Variants in RSBN1L observed in about 807,000 individuals in gnomAD.
RSBN1L encodes round spermatid basic protein 1 like.
RSBN1L carries 30 observed loss-of-function variants against 67.7 expected under a neutral mutation model. The observed-to-expected ratio is 0.44, with a 90% confidence interval of 0.33 to 0.60. The LOEUF (loss-of-function observed/expected upper bound fraction) is 0.60. Ranked by LOEUF, RSBN1L falls within the 20% of genes least tolerant of loss-of-function variation. RSBN1L has a pLI of 0.02. For missense variants in RSBN1L, 992 were observed against 1,031.7 expected (o/e 0.96, Z 0.53); for synonymous variants, 433 against 387.0 (o/e 1.12, Z -1.39).
chr7:77,742,212 C>CACACACACACAA, intron 2 of RSBN1L, among the ~76,000 whole-genome samples: 1 of 147,322 alleles, frequency 6.8e-6, no homozygotes, highest in African/African-American at 2.5e-5. Context: ...CACACACACA[C>CACACACACACAA]ACACACGGCA....
intron 3 of RSBN1L, among the ~76,000 whole-genome samples, chr7:77,754,782 C>T (rs1325195812): frequency 1.3e-5 from 2 of 152,080 alleles, no homozygotes; most frequent in Non-Finnish European, 2.9e-5. Flanking sequence ...CCAGCCTGAG[C>T]AACATAGCAA....
At chr7:77,759,444 A>G (rs1791669276) in intron 3 of RSBN1L, among the ~76,000 whole-genome samples, 1 of 152,040 alleles carries the variant, frequency 6.6e-6, no homozygotes, top group African/African-American at 2.4e-5. Flanking sequence ...GCCTATTTTG[A>G]TTAGAAACCA....
intron 6 of RSBN1L, among the ~76,000 whole-genome samples, chr7:77,774,920 G>A (rs1464569874): frequency 6.6e-6 from 1 of 151,682 alleles, no homozygotes; most frequent in Non-Finnish European, 1.5e-5. Context: ...ATAGTTCAGT[G>A]GTGCTGTCAT....
chr7:77,750,603 T>G (rs541161432), intron 3 of RSBN1L, among the ~76,000 whole-genome samples: 1 of 152,270 alleles, frequency 6.6e-6, no homozygotes, highest in Non-Finnish European at 1.5e-5. Flanking sequence ...TGGTGGAGAA[T>G]ATATATTATT....
chr7:77,743,211 ACT>A (rs936527423), intron 2 of RSBN1L, among the ~76,000 whole-genome samples: 7 of 151,928 alleles, frequency 4.6e-5, no homozygotes, highest in African/African-American at 1.7e-4. Flanking sequence ...TTGCCACCAC[ACT>A]CAGCTAATTT....
Position 77,736,418 on chromosome 7 carries a change from A to G in RSBN1L, c.595A>G (p.Lys199Glu), listed in dbSNP as rs369084586. The change falls in exon 2 of 8, where the codon AAA (lysine) becomes GAA (glutamate). Residue 199 changes from lysine to glutamate, a missense_variant. Around this residue, in one of 7 missense-constraint regions of RSBN1L, gnomAD observed 575 missense variants for 483.2 expected, o/e 1.19. Transcript: ENST00000334955. Reference sequence around the variant, plus strand: ...TTTGTTTTGTCTTCCAGATAAAATCAAAGACAAAATTAAAGAGAGAGACAA... The same window carrying G: ...TTTGTTTTGTCTTCCAGATAAAATCGAAGACAAAATTAAAGAGAGAGACAA... Reference protein sequence around the residue: ...EVKPLPRDKIKDKIKERDKEK... With the variant: ...EVKPLPRDKIEDKIKERDKEK... The G allele has an allele frequency of 9.4e-7, 1 of 1,068,022 alleles. No individual in the cohort carries two copies. The highest frequency in any genetic ancestry group is 3.0e-5 in the East Asian group (1 of 33,690). The allele number at this position is 1,068,022 out of a possible 1,614,324, so 66.2% of individuals were successfully genotyped here.
intron 3 of RSBN1L, among the ~76,000 whole-genome samples, chr7:77,763,153 T>TTC (rs1554342230): frequency 3.5e-5 from 3 of 86,358 alleles, no homozygotes; most frequent in African/African-American, 1.1e-4. Context: ...ATTTGACTTT[T>TTC]TTTTTTTTTT....
intron 1 of RSBN1L, 28 bp downstream of exon 1, chr7:77,697,083 G>A (rs1790746001): frequency 1.5e-6 from 2 of 1,362,706 alleles, no homozygotes; most frequent in South Asian, 1.7e-5. Context: ...AGGGGGAGGG[G>A]AGGGCGCCGT....
intron 3 of RSBN1L, among the ~76,000 whole-genome samples, chr7:77,758,891 C>T (rs1791659774): frequency 6.6e-6 from 1 of 152,056 alleles, no homozygotes; most frequent in Admixed American, 6.6e-5. Context: ...ACTCTGGAAC[C>T]CTGTACTAAG....
chr7:77,772,667 C>T (rs960449756), intron 5 of RSBN1L, among the ~76,000 whole-genome samples: 2 of 152,230 alleles, frequency 1.3e-5, no homozygotes, highest in African/African-American at 4.8e-5. Flanking sequence ...AGACTATAAA[C>T]TCCCACGAGA....
At chr7:77,737,765 G>A (rs1791356262) in intron 2 of RSBN1L, among the ~76,000 whole-genome samples, 1 of 152,176 alleles carries the variant, frequency 6.6e-6, no homozygotes, top group Non-Finnish European at 1.5e-5. Flanking sequence ...GCTCATGCCT[G>A]TAATCCCAGC....
chr7:77,732,597 G>A (rs1449362575), intron 1 of RSBN1L, among the ~76,000 whole-genome samples: 1 of 152,132 alleles, frequency 6.6e-6, no homozygotes, highest in Non-Finnish European at 1.5e-5. Context: ...CCCTCCCAAA[G>A]TGCTGGGATT....
intron 1 of RSBN1L, 90 bp downstream of exon 1, chr7:77,697,145 C>T: frequency 2.4e-6 from 3 of 1,269,036 alleles, no homozygotes; most frequent in Non-Finnish European, 3.0e-6. Flanking sequence ...GGGAGCGCGG[C>T]GGCCGCGTGC....
chr7:77,725,670 C>A (rs1791192597), intron 1 of RSBN1L, among the ~76,000 whole-genome samples: 1 of 151,604 alleles, frequency 6.6e-6, no homozygotes, highest in Non-Finnish European at 1.5e-5. Flanking sequence ...GAGTTTCGCC[C>A]TTGTTGCTCA....
In RSBN1L at chr7:77,696,486, G is replaced by A. The variant is rs768269019; in HGVS notation, c.17G>A (p.Ser6Asn). 6.8e-6 allele frequency: 11 copies of A among 1,610,830 alleles called. No individual in the cohort carries two copies. Among genetic ancestry groups the A allele is most frequent in the Non-Finnish European group, 9.3e-6 (11 of 1,178,202 alleles). Reference protein sequence around the residue: MAEPPSPVHCVAAAAP... With the variant: MAEPPNPVHCVAAAAP... ...GAGCGCAAAATGGCGGAACCGCCGAGCCCCGTGCACTGTGTCGCTGCCGCG... is the reference window on the plus strand; with the variant it reads ...GAGCGCAAAATGGCGGAACCGCCGAACCCCGTGCACTGTGTCGCTGCCGCG... The change falls in exon 1 of 8, where the codon AGC (serine) becomes AAC (asparagine). Residue 6 changes from serine to asparagine, a missense_variant. This residue lies in a region of RSBN1L where 575 missense variants were observed against 483.2 expected (regional missense o/e 1.19). Coordinates refer to ENST00000334955, the MANE Select transcript of RSBN1L (RefSeq NM_198467.3).
At chr7:77,718,667 A>C (rs893640093) in intron 1 of RSBN1L, among the ~76,000 whole-genome samples, 5 of 152,216 alleles carry the variant, frequency 3.3e-5, no homozygotes, top group Admixed American at 6.5e-5. Flanking sequence ...ATACTTAAAC[A>C]AAACAACTTT....
intron 1 of RSBN1L, among the ~76,000 whole-genome samples, chr7:77,725,243 A>AATTTTTTTTTTTTTTTTT (rs1554338354): frequency 1.2e-4 from 7 of 57,916 alleles, no homozygotes; most frequent in African/African-American, 5.3e-4. Context: ...TAAGCCCCCC[A>AATTTTTTTTTTTTTTTTT]CTTTTTTTTT....
intron 6 of RSBN1L, among the ~76,000 whole-genome samples, chr7:77,774,505 G>T (rs1399338201): frequency 6.6e-6 from 1 of 152,152 alleles, no homozygotes; most frequent in Non-Finnish European, 1.5e-5. Context: ...GAGGTGGGCA[G>T]ATCATGAGGT....
At chr7:77,737,375 G>T (rs1791351242) in intron 2 of RSBN1L, among the ~76,000 whole-genome samples, 1 of 152,140 alleles carries the variant, frequency 6.6e-6, no homozygotes, top group South Asian at 2.1e-4. Flanking sequence ...ATTTGCTTGA[G>T]GGGGAAAGAC....
Sources: gnomAD v4.1 joint callset for allele counts (sites outside exome capture counted in the v4.1 genomes callset) on GRCh38, gnomAD v4.1.1 for gene constraint, gnomAD v4.1.1 regional missense constraint, MANE v1.5 for transcripts, NCBI Gene and HGNC (gene_info 2026-07-23, HGNC 2026-07-21) for gene names.